PLEKHG3: variants seen among roughly 807,000 people sequenced by gnomAD.
The protein encoded by PLEKHG3 is pleckstrin homology domain-containing family G member 3.
A neutral mutation model predicts 94.9 loss-of-function variants in PLEKHG3; 62 were observed. That is an observed-to-expected ratio of 0.65 (90% CI 0.53 to 0.81). The LOEUF (loss-of-function observed/expected upper bound fraction) is 0.81, where lower values mean the gene tolerates loss of function less well. Ranked by LOEUF, PLEKHG3 falls within the 30% of genes least tolerant of loss-of-function variation. The pLI is 0.00. For synonymous variants in PLEKHG3, 614 were observed against 654.0 expected (o/e 0.94, Z 0.93); for missense variants, 1,461 against 1,619.3 (o/e 0.90, Z 1.68).
At position 64,749,632 on chromosome 14, in the gene PLEKHG3, G is replaced by A; in HGVS notation, c.*5929G>A. ...ACCTACCCCCTTCTTAGCCAGGTCT[G>A]GGCTAGGCTGCCCGCGCTTACCTCA... On this transcript the variant is annotated 3_prime_UTR_variant, in exon 17 of 17. Transcript: ENST00000247226. This position sits in a 1 kb window ranked among gnomAD's most constrained non-coding sequence, Gnocchi z 4.7. The A allele has an allele frequency of 6.2e-7, 1 of 1,613,362 alleles. No individual in the cohort carries two copies. Among genetic ancestry groups the A allele is most frequent in the Non-Finnish European group, 8.5e-7 (1 of 1,179,918 alleles).
chr14:64,726,638 C>T lies in PLEKHG3; in HGVS notation c.-39-955C>T, dbSNP rs1009777389. Among the ~76,000 whole-genome samples the T allele has an allele frequency of 3.3e-5, 5 of 152,184 alleles. No homozygotes were observed. Among genetic ancestry groups the T allele is most frequent in the African/African-American group, 1.2e-4 (5 of 41,442 alleles). ...TCCACCTGAGGCTCTGTTTGCCTCA[C>T]CTGGGTGCAGTTTACTGCTTTCTCT... On this transcript the variant is annotated intron_variant, in intron 1 of 16. Transcript: ENST00000247226. The surrounding 1 kb of genome is among the most constrained non-coding windows in gnomAD (Gnocchi z 5.1).
chr14:64,733,704 G>GA (rs1441061098), intron 12 of PLEKHG3, among the ~76,000 whole-genome samples: 7 of 152,238 alleles, frequency 4.6e-5, no homozygotes, highest in African/African-American at 1.7e-4. Context: ...TGGGTCTCAG[G>GA]AAAAGGTTCC....
At position 64,739,848 on chromosome 14, in the gene PLEKHG3, C is replaced by T. The variant is rs187167360; in HGVS notation, c.1518+993C>T. On this transcript the variant is annotated intron_variant, in intron 15 of 16. Transcript: ENST00000247226. This position sits in a 1 kb window ranked among gnomAD's most constrained non-coding sequence, Gnocchi z 4.1. Reference sequence around the variant, plus strand: ...TGACCTAATTTCCCAAAGGCCCCCCCTCTCATTCCCATCACACTGGGTGTT... The same window carrying T: ...TGACCTAATTTCCCAAAGGCCCCCCTTCTCATTCCCATCACACTGGGTGTT... 6.0e-4 allele frequency among the ~76,000 whole-genome samples: 91 copies of T among 152,316 alleles called. No individual in the cohort carries two copies. The highest frequency in any genetic ancestry group is 2.1e-3 in the African/African-American group (87 of 41,570).
chr14:64,731,156 C>T lies in PLEKHG3; in HGVS notation c.836C>T (p.Ala279Val), dbSNP rs764926223. 1.7e-5 allele frequency: 26 copies of T among 1,527,956 alleles called. No homozygotes were observed. Among genetic ancestry groups the T allele is most frequent in the Non-Finnish European group, 2.1e-5 (24 of 1,124,074 alleles). The allele number at this position is 1,527,956 out of a possible 1,614,324, so 94.6% of individuals were successfully genotyped here. A position where few individuals can be genotyped will look rare whatever the true frequency, so the allele number is the denominator to read the frequency against. Residue 279 changes from alanine to valine, a missense_variant, in exon 7 of 17, where the codon GCG becomes GTG. By Grantham distance (64) the Ala-to-Val change is moderately conservative (BLOSUM62 0). Transcript: ENST00000247226. The surrounding 1 kb of genome is among the most constrained non-coding windows in gnomAD (Gnocchi z 6.1). Reference sequence around the variant, plus strand: ...GACATGAAGAGGAGGCATGAGCACGCGGTCCGGCTCCAGGTGCTCTGGGGC... The same window carrying T: ...GACATGAAGAGGAGGCATGAGCACGTGGTCCGGCTCCAGGTGCTCTGGGGC... The part of the protein sequence containing the change: ...INDMKRRHEH[A>V]VRLQEIQSLL...
Position 64,715,555 on chromosome 14 carries a change from T to G in PLEKHG3, c.-40+10851T>G. 6.5e-6 allele frequency: 1 copy of G among 154,922 alleles called. No homozygotes were observed. The highest frequency in any genetic ancestry group is 1.9e-4 in the South Asian group (1 of 5,214). The allele number at this position is 154,922 out of a possible 1,614,324, so 9.6% of individuals were successfully genotyped here. A position where few individuals can be genotyped will look rare whatever the true frequency, so the allele number is the denominator to read the frequency against. On this transcript the variant is annotated intron_variant, in intron 1 of 16. Transcript: ENST00000247226. This position sits in a 1 kb window ranked among gnomAD's most constrained non-coding sequence, Gnocchi z 4.4. ...GGGATGGCCACCTGCCTTTCCTCTC[T>G]GCCCCCACTATTGTGAGGGCAGAAG...
At chr14:64,706,775 A>T (rs903510348) in intron 1 of PLEKHG3, among the ~76,000 whole-genome samples, 1 of 152,238 alleles carries the variant, frequency 6.6e-6, no homozygotes, top group Non-Finnish European at 1.5e-5. Context: ...GGCCTGCGGG[A>T]TGACCAGGGC....
rs763203426 is a variant in PLEKHG3 at position 64,749,493 on chromosome 14, G to A, written c.*5790G>A. 3.1e-5 allele frequency: 49 copies of A among 1,597,958 alleles called. No individual in the cohort carries two copies. In the Admixed American group the frequency reaches 5.9e-4, roughly 19 times the overall value. ...CTCCTCCTGCGGGGCGGAGGGTCAC[G>A]GTGGAGTCTGGAGGCCCACAGCCCC... On this transcript the variant is annotated 3_prime_UTR_variant, in exon 17 of 17. Coordinates refer to ENST00000247226, the MANE Select transcript of PLEKHG3 (RefSeq NM_001308147.2). This position sits in a 1 kb window ranked among gnomAD's most constrained non-coding sequence, Gnocchi z 4.7.
At position 64,722,087 on chromosome 14, in the gene PLEKHG3, C is replaced by T. The variant is rs2081271668; in HGVS notation, c.-39-5506C>T. Among the ~76,000 whole-genome samples the T allele has an allele frequency of 6.6e-6, 1 of 152,174 alleles. No homozygotes were observed. The highest frequency in any genetic ancestry group is 1.5e-5 in the Non-Finnish European group (1 of 68,020). Reference sequence around the variant, plus strand: ...TCTTGGGGATTGTTTGGGGGAAGGACAAAAGCCGCTGGGCCACCCTGGCTT... The same window carrying T: ...TCTTGGGGATTGTTTGGGGGAAGGATAAAAGCCGCTGGGCCACCCTGGCTT... On this transcript the variant is annotated intron_variant, in intron 1 of 16. Coordinates refer to ENST00000247226, the MANE Select transcript of PLEKHG3 (RefSeq NM_001308147.2). This position sits in a 1 kb window ranked among gnomAD's most constrained non-coding sequence, Gnocchi z 4.3.
At chr14:64,737,072 T>C in intron 13 of PLEKHG3, 181 bp downstream of exon 13, 1 of 680,156 alleles carries the variant, frequency 1.5e-6, no homozygotes, top group South Asian at 1.7e-5. Context: ...GGAGAGGGGC[T>C]GGAGCTCTCC....
At position 64,731,199 on chromosome 14, in the gene PLEKHG3, G is replaced by A; in HGVS notation, c.849+30G>A. On this transcript the variant is annotated intron_variant, in intron 7 of 16. Transcript: ENST00000247226. The surrounding 1 kb of genome is among the most constrained non-coding windows in gnomAD (Gnocchi z 6.1). ...TCTGGGGCTGGGACGCTGGGGGAGG[G>A]GCAGGGCTGGGTGGGCCAGGCTTCC... 1 of 1,581,286 alleles carries A rather than the reference G, an allele frequency of 6.3e-7. No homozygotes were observed. Among genetic ancestry groups the A allele is most frequent in the Non-Finnish European group, 8.7e-7 (1 of 1,155,156 alleles).
Position 64,732,864 on chromosome 14 carries a change from G to T in PLEKHG3, c.1308G>T (p.Glu436Asp). The change falls in exon 12 of 17, where the codon GAG becomes GAT. Residue 436 changes from glutamate (E) to aspartate (D), a missense_variant. This residue lies in a region of PLEKHG3 where 1,201 missense variants were observed against 1,295.5 expected (regional missense o/e 0.93). Transcript: ENST00000247226. This position sits in a 1 kb window ranked among gnomAD's most constrained non-coding sequence, Gnocchi z 4.9. ...AGAAGGCTTGGTCCTCCCAGGATGA[G>T]GTGTCCACCAATGTGCGCCAGGGGC... ...RLKKAWSSQDEVSTNVRQGRR... is the reference protein window; with the variant it reads ...RLKKAWSSQDDVSTNVRQGRR... 6.2e-7 allele frequency: 1 copy of T among 1,610,924 alleles called. No individual in the cohort carries two copies. The highest frequency in any genetic ancestry group is 8.5e-7 in the Non-Finnish European group (1 of 1,178,982).
chr14:64,720,979 C>T lies in PLEKHG3; in HGVS notation c.-39-6614C>T, dbSNP rs1553163. Among the ~76,000 whole-genome samples, 13,877 of 152,260 alleles carry T rather than the reference C, an allele frequency of 0.091. 707 individuals carry two copies. Among genetic ancestry groups the T allele is most frequent in the African/African-American group, 0.13 (5,408 of 41,518 alleles). ...TCTGACTCCTGCCGGATTCCTCTTA[C>T]GAGGAGCCTTATGATCACATCAGGC... On this transcript the variant is annotated intron_variant, in intron 1 of 16. Transcript: ENST00000247226. This position sits in a 1 kb window ranked among gnomAD's most constrained non-coding sequence, Gnocchi z 4.1.
At chr14:64,709,405 A>C (rs2139357682) in intron 1 of PLEKHG3, among the ~76,000 whole-genome samples, 1 of 152,206 alleles carries the variant, frequency 6.6e-6, no homozygotes, top group East Asian at 1.9e-4. Context: ...GCCTTTGGGG[A>C]GGGAGCCCTA....
Position 64,743,196 on chromosome 14 carries a change from T to C in PLEKHG3, c.3153T>C (p.Arg1051=). The C allele has an allele frequency of 6.2e-7, 1 of 1,610,110 alleles. No homozygotes were observed. The highest frequency in any genetic ancestry group is 8.5e-7 in the Non-Finnish European group (1 of 1,179,832). ...PTETFSWPDV[R]ELCSKYASRD... Reference sequence around the variant, plus strand: ...AGACCTTCAGCTGGCCCGACGTCCGTGAGCTCTGCTCCAAGTATGCCTCCC... The same window carrying C: ...AGACCTTCAGCTGGCCCGACGTCCGCGAGCTCTGCTCCAAGTATGCCTCCC... The change falls in exon 17 of 17, where the codon CGT becomes CGC. Residue 1051 remains arginine, a synonymous_variant. Coordinates refer to ENST00000247226, the MANE Select transcript of PLEKHG3 (RefSeq NM_001308147.2). This position sits in a 1 kb window ranked among gnomAD's most constrained non-coding sequence, Gnocchi z 7.2.
Position 64,730,140 on chromosome 14 carries a change from T to C in PLEKHG3, c.450-103T>C. The C allele has an allele frequency of 1.5e-6, 1 of 672,936 alleles. No homozygotes were observed. The highest frequency in any genetic ancestry group is 2.6e-6 in the Non-Finnish European group (1 of 378,672). The allele number at this position is 672,936 out of a possible 1,614,324, so 41.7% of individuals were successfully genotyped here. A position where few individuals can be genotyped will look rare whatever the true frequency, so the allele number is the denominator to read the frequency against. On this transcript the variant is annotated intron_variant, in intron 3 of 16. Transcript: ENST00000247226. The surrounding 1 kb of genome is among the most constrained non-coding windows in gnomAD (Gnocchi z 5.4). Reference sequence around the variant, plus strand: ...AAGCCCCAGTTCTTTAGCAAAGCAATAGGGCTGGCTGTCAGTCAGGGTTTG... The same window carrying C: ...AAGCCCCAGTTCTTTAGCAAAGCAACAGGGCTGGCTGTCAGTCAGGGTTTG...
rs752309030 is a variant in PLEKHG3, at chr14:64,743,471, G to A, written c.3428G>A (p.Arg1143Gln). The A allele has an allele frequency of 2.2e-5, 36 of 1,613,076 alleles. No individual in the cohort carries two copies. Among genetic ancestry groups the A allele is most frequent in the Non-Finnish European group, 2.9e-5 (34 of 1,180,020 alleles). The change falls in exon 17 of 17, where the codon CGG becomes CAG. Residue 1143 changes from arginine (R) to glutamine (Q), a missense_variant. This residue lies in a region of PLEKHG3 where 1,201 missense variants were observed against 1,295.5 expected (regional missense o/e 0.93). Coordinates refer to ENST00000247226, the MANE Select transcript of PLEKHG3 (RefSeq NM_001308147.2). This position sits in a 1 kb window ranked among gnomAD's most constrained non-coding sequence, Gnocchi z 7.2. ...TADLTLEDNR[R>Q]VIVMEKGPLP... ...GACCTCACCCTGGAGGACAACCGGC[G>A]GGTGATTGTCATGGAGAAGGGACCC...
intron 14 of PLEKHG3, chr14:64,737,882 C>G: frequency 8.3e-7 from 1 of 1,199,462 alleles, no homozygotes. Flanking sequence ...GTGCTGGAAC[C>G]CTCCTGGACT....
chr14:64,743,087 T>G lies in PLEKHG3; in HGVS notation c.3044T>G (p.Phe1015Cys), dbSNP rs145384423. 42 of 1,613,088 alleles carry G rather than the reference T, an allele frequency of 2.6e-5. 2 individuals carry two copies. The African/African-American group carries it at 5.1e-4, about 19-fold the overall frequency. Residue 1015 changes from phenylalanine to cysteine, a missense_variant, in exon 17 of 17, where the codon TTC becomes TGC. By Grantham distance (205) the Phe-to-Cys change is radical. Around this residue, in one of 3 missense-constraint regions of PLEKHG3, gnomAD observed 1,201 missense variants for 1,295.5 expected, o/e 0.93. Transcript: ENST00000247226. The surrounding 1 kb of genome is among the most constrained non-coding windows in gnomAD (Gnocchi z 7.2). Reference protein sequence around the residue: ...SSAGEMSPQRFFFNPSAVSQR... With the variant: ...SSAGEMSPQRCFFNPSAVSQR... ...GCTGGGGAGATGTCACCACAGCGTT[T>G]CTTCTTCAACCCGTCTGCTGTCAGC...
rs2081204156 is a variant in PLEKHG3 at position 64,718,325 on chromosome 14, C to T, written c.-39-9268C>T. On this transcript the variant is annotated intron_variant, in intron 1 of 16. Coordinates refer to ENST00000247226, the MANE Select transcript of PLEKHG3 (RefSeq NM_001308147.2). The surrounding 1 kb of genome is among the most constrained non-coding windows in gnomAD (Gnocchi z 5.0). ...TCTTTTTCATGTCATATCCCCAGGC[C>T]CTGGCATTCATGTTCAGGAGTGTTG... Among the ~76,000 whole-genome samples the T allele has an allele frequency of 6.6e-6, 1 of 152,164 alleles. No individual in the cohort carries two copies. The highest frequency in any genetic ancestry group is 1.5e-5 in the Non-Finnish European group (1 of 68,036).
Sources: allele counts gnomAD v4.1 joint callset (sites outside exome capture counted in the v4.1 genomes callset), GRCh38; gene constraint gnomAD v4.1.1; regional missense constraint gnomAD v4.1.1; non-coding constraint Gnocchi (gnomAD v3.1); transcripts MANE v1.5; gene names NCBI Gene and HGNC (gene_info 2026-07-23, HGNC 2026-07-21).